SLCO3A1: variants seen among roughly 807,000 people sequenced by gnomAD.
SLCO3A1 encodes PGE1 transporter.
Under a neutral mutation model 63.1 loss-of-function variants are expected in SLCO3A1, and 27 were observed. That is an observed-to-expected ratio of 0.43 (90% CI 0.32 to 0.59). The LOEUF is 0.59. Among genes scored for constraint, SLCO3A1 ranks in the 20% least tolerant of loss-of-function variants. The pLI is 0.09. For synonymous variants in SLCO3A1, 473 were observed against 409.9 expected (o/e 1.15, Z -1.86); for missense variants, 773 against 945.8 (o/e 0.82, Z 2.40).
chr15:92,054,911 T>G (rs536431328), intron 2 of SLCO3A1, among the ~76,000 whole-genome samples: 21 of 152,336 alleles, frequency 1.4e-4, no homozygotes, highest in African/African-American at 5.1e-4. Flanking sequence ...GCAATGAATA[T>G]TCACATGCAT....
chr15:92,083,526 T>C (rs1006229484), intron 2 of SLCO3A1, among the ~76,000 whole-genome samples: 1 of 152,230 alleles, frequency 6.6e-6, no homozygotes, highest in Middle Eastern at 3.2e-3. Flanking sequence ...TCCTTGCAGT[T>C]CCGTTCTATC....
At chr15:92,113,127 C>T (rs767426694) in intron 4 of SLCO3A1, among the ~76,000 whole-genome samples, 2 of 152,166 alleles carry the variant, frequency 1.3e-5, no homozygotes, top group Admixed American at 6.5e-5. Flanking sequence ...CTGAATAAGA[C>T]GTTGCTGCCT....
In SLCO3A1 at chr15:91,869,697, TCAA is replaced by T. The variant is rs540183274; in HGVS notation, c.180+15622_180+15624del. Reference sequence around the variant, plus strand: ...CTGAGTGACAGAGTGAGACACTATTTCAACAACAACAACAAAGAAAGGATCATT... The same window carrying T: ...CTGAGTGACAGAGTGAGACACTATTTCAACAACAACAAAGAAAGGATCATT... On this transcript the variant is annotated intron_variant, in intron 1 of 9. Coordinates refer to ENST00000318445, the MANE Select transcript of SLCO3A1 (RefSeq NM_013272.4). Among the ~76,000 whole-genome samples, 51 of 151,872 alleles carry T rather than the reference TCAA, an allele frequency of 3.4e-4. 1 individual carries two copies. The South Asian group carries it at 3.6e-3, about 11-fold the overall frequency.
intron 2 of SLCO3A1, among the ~76,000 whole-genome samples, chr15:92,083,294 C>A (rs1329843278): frequency 6.6e-6 from 1 of 152,230 alleles, no homozygotes; most frequent in Admixed American, 6.5e-5. Flanking sequence ...GTACAGAACC[C>A]TCAGCTCTGC....
intron 1 of SLCO3A1, among the ~76,000 whole-genome samples, chr15:91,884,419 G>A (rs1166435753): frequency 6.6e-6 from 1 of 151,132 alleles, no homozygotes; most frequent in African/African-American, 2.4e-5. Flanking sequence ...GCTGAAGCAG[G>A]AGAATCGCTT....
At position 91,860,437 on chromosome 15, in the gene SLCO3A1, T is replaced by G. The variant is rs1311915546; in HGVS notation, c.180+6349T>G. On this transcript the variant is annotated intron_variant, in intron 1 of 9. Coordinates refer to ENST00000318445, the MANE Select transcript of SLCO3A1 (RefSeq NM_013272.4). This position sits in a 1 kb window ranked among gnomAD's most constrained non-coding sequence, Gnocchi z 5.5. The stretch of plus-strand genomic sequence containing the variant: ...AACAAATAGTCATGTGATAGAGTAC[T>G]TCTCATAGGGTACAGTATTCCACAG... 6.6e-6 allele frequency among the ~76,000 whole-genome samples: 1 copy of G among 152,256 alleles called. No homozygotes were observed. The highest frequency in any genetic ancestry group is 1.5e-5 in the Non-Finnish European group (1 of 68,052).
At chr15:92,124,454 C>G (rs2047898159) in intron 5 of SLCO3A1, among the ~76,000 whole-genome samples, 3 of 152,140 alleles carry the variant, frequency 2.0e-5, no homozygotes, top group African/African-American at 7.2e-5. Context: ...CACAGGCCTG[C>G]TTTCTGGGTG....
At chr15:92,071,356 T>C (rs1404122217) in intron 2 of SLCO3A1, among the ~76,000 whole-genome samples, 1 of 152,186 alleles carries the variant, frequency 6.6e-6, no homozygotes, top group Admixed American at 6.5e-5. Flanking sequence ...TCCTCGCATT[T>C]GGCAGCGAGC....
chr15:92,152,086 T>A (rs1186500818), intron 9 of SLCO3A1, among the ~76,000 whole-genome samples: 1 of 152,246 alleles, frequency 6.6e-6, no homozygotes, highest in Non-Finnish European at 1.5e-5. Flanking sequence ...ACTTTTGCAA[T>A]ATTTTTCCAT....
At chr15:91,904,107 T>A (rs1898231578) in intron 1 of SLCO3A1, among the ~76,000 whole-genome samples, 1 of 152,190 alleles carries the variant, frequency 6.6e-6, no homozygotes, top group South Asian at 2.1e-4. Flanking sequence ...CCACAGCACA[T>A]GCCCTCACTT....
Position 92,151,006 on chromosome 15 carries a change from G to T in SLCO3A1, c.1745G>T (p.Arg582Leu). 1 of 1,609,706 alleles carries T rather than the reference G, an allele frequency of 6.2e-7. No homozygotes were observed. The highest frequency in any genetic ancestry group is 8.5e-7 in the Non-Finnish European group (1 of 1,176,788). ...YALGVLFLLL[R>L]LLGFIPPPLI... ...TTGGGAGTTCTTTTTCTCCTCCTTC[G>T]TTTGTTGGGTATGTATTATCTCTTT... The change falls in exon 9 of 10, where the codon CGT (arginine) becomes CTT (leucine). Residue 582 changes from arginine (R) to leucine (L), a missense_variant. By Grantham distance (102) the Arg-to-Leu change is moderately radical (BLOSUM62 -2). Transcript: ENST00000318445.
intron 2 of SLCO3A1, among the ~76,000 whole-genome samples, chr15:92,062,864 G>T (rs2047103537): frequency 6.6e-6 from 1 of 152,184 alleles, no homozygotes; most frequent in Non-Finnish European, 1.5e-5. Context: ...GCAGCCCTGG[G>T]ATGGCTTCTG....
In SLCO3A1 at chr15:92,163,625, T is replaced by G. The variant is rs1267493017; in HGVS notation, c.*490T>G. On this transcript the variant is annotated 3_prime_UTR_variant, in exon 10 of 10. Coordinates refer to ENST00000318445, the MANE Select transcript of SLCO3A1 (RefSeq NM_013272.4). ...ACTAGTGACACACCCCGTGCCACCC[T>G]CTTCCTCCAGGTGGGGGTGGGGGCG... The G allele has an allele frequency of 2.0e-6, 2 of 984,330 alleles. No homozygotes were observed. Among genetic ancestry groups the G allele is most frequent in the African/African-American group, 3.5e-5 (2 of 56,890 alleles). 61.0% of individuals were successfully genotyped at this position (984,330 alleles called of 1,614,324 possible). A position where few individuals can be genotyped will look rare whatever the true frequency, so the allele number is the denominator to read the frequency against.
In SLCO3A1 at chr15:91,907,103, A is replaced by G. The variant is rs188424048; in HGVS notation, c.181-8890A>G. 2.6e-5 allele frequency among the ~76,000 whole-genome samples: 4 copies of G among 152,326 alleles called. No individual in the cohort carries two copies. In the East Asian group the frequency reaches 7.7e-4, roughly 29 times the overall value. On this transcript the variant is annotated intron_variant, in intron 1 of 9. Coordinates refer to ENST00000318445, the MANE Select transcript of SLCO3A1 (RefSeq NM_013272.4). ...GATGAGAGAAACTAAGAAATGGAGT[A>G]TAGAGGAAACAGTAGCCTGAGGAAG...
intron 2 of SLCO3A1, among the ~76,000 whole-genome samples, chr15:92,089,093 T>G (rs1362234455): frequency 6.6e-6 from 1 of 152,066 alleles, no homozygotes; most frequent in African/African-American, 2.4e-5. Flanking sequence ...TGGCGTGATC[T>G]CGGCTCACTA....
At chr15:91,992,347 A>T (rs1027316450) in intron 2 of SLCO3A1, among the ~76,000 whole-genome samples, 1 of 152,208 alleles carries the variant, frequency 6.6e-6, no homozygotes, top group African/African-American at 2.4e-5. Flanking sequence ...ACCGGCTTTC[A>T]CTGCACATTC....
At position 91,863,172 on chromosome 15, in the gene SLCO3A1, A is replaced by T. The variant is rs1023456805; in HGVS notation, c.180+9084A>T. On this transcript the variant is annotated intron_variant, in intron 1 of 9. Coordinates refer to ENST00000318445, the MANE Select transcript of SLCO3A1 (RefSeq NM_013272.4). This position sits in a 1 kb window ranked among gnomAD's most constrained non-coding sequence, Gnocchi z 4.3. ...ATTATGGTGATCCAACCTGTAAAAT[A>T]AACAGTGGGGCTGATTAATCTCTTT... Among the ~76,000 whole-genome samples, 2 of 152,258 alleles carry T rather than the reference A, an allele frequency of 1.3e-5. No individual in the cohort carries two copies. Among genetic ancestry groups the T allele is most frequent in the East Asian group, 3.8e-4 (2 of 5,208 alleles).
chr15:92,156,908 G>C (rs1223284121), intron 9 of SLCO3A1, among the ~76,000 whole-genome samples: 1 of 152,116 alleles, frequency 6.6e-6, no homozygotes, highest in East Asian at 1.9e-4. Flanking sequence ...TTTAAGTTTA[G>C]ACCAAGGAAT....
chr15:91,855,246 G>A (rs986370436), intron 1 of SLCO3A1, among the ~76,000 whole-genome samples: 26 of 152,098 alleles, frequency 1.7e-4, no homozygotes, highest in Admixed American at 1.4e-3. Context: ...AGTTCATGAG[G>A]GCCAGACGCT....
Sources: gnomAD v4.1 joint callset for allele counts (sites outside exome capture counted in the v4.1 genomes callset) on GRCh38, gnomAD v4.1.1 for gene constraint, Gnocchi (gnomAD v3.1) non-coding constraint, MANE v1.5 for transcripts, NCBI Gene and HGNC (gene_info 2026-07-23, HGNC 2026-07-21) for gene names.